APBA1: variants seen among roughly 807,000 people sequenced by gnomAD.
APBA1 encodes amyloid beta precursor protein binding family A member 1, also known as amyloid-beta A4 precursor protein-binding family A member 1.
APBA1 carries 55 observed loss-of-function variants against 86.6 expected under a neutral mutation model. The observed-to-expected ratio is 0.64, with a 90% CI of 0.51 to 0.80. The LOEUF (loss-of-function observed/expected upper bound fraction) is 0.80, where lower values mean the gene tolerates loss of function less well. APBA1 is among the 30% of genes least tolerant of loss of function. APBA1 has a pLI of 0.00. For synonymous variants in APBA1, 511 were observed against 493.9 expected (o/e 1.03, Z -0.46); for missense variants, 1,090 against 1,183.0 (o/e 0.92, Z 1.15).
At chr9:69,635,176 T>C (rs1188408982) in intron 1 of APBA1, among the ~76,000 whole-genome samples, 1 of 152,096 alleles carries the variant, frequency 6.6e-6, no homozygotes, top group African/African-American at 2.4e-5. Context: ...CAAGACATAG[T>C]ACAATAAGAT....
chr9:69,490,408 G>A (rs1373019792), intron 2 of APBA1, among the ~76,000 whole-genome samples: 1 of 151,618 alleles, frequency 6.6e-6, no homozygotes, highest in Non-Finnish European at 1.5e-5. Context: ...ACACCAGCAT[G>A]GCACATGTAT....
At chr9:69,432,865 T>G (rs770472100) in intron 11 of APBA1, among the ~76,000 whole-genome samples, 189 bp from the exon 12 acceptor site, 6 of 152,210 alleles carry the variant, frequency 3.9e-5, no homozygotes, top group Non-Finnish European at 8.8e-5. Flanking sequence ...CATGGCCACC[T>G]TGTTCATGCG....
In APBA1 at chr9:69,664,348, C is replaced by A. The variant is rs1179098499; in HGVS notation, c.-70+7805G>T. ...GGGTTGCAGAGATCATAAATATACTCCTTTAGGAAGAAAGGATAAAACAAA... is the reference window on the plus strand; with the variant it reads ...GGGTTGCAGAGATCATAAATATACTACTTTAGGAAGAAAGGATAAAACAAA... On this transcript the variant is annotated intron_variant, in intron 1 of 12. Coordinates refer to ENST00000265381, the MANE Select transcript of APBA1 (RefSeq NM_001163.4). 4.6e-5 allele frequency among the ~76,000 whole-genome samples: 7 copies of A among 152,226 alleles called. No individual in the cohort carries two copies. In the East Asian group the frequency reaches 1.2e-3, roughly 25 times the overall value.
chr9:69,445,510 GAA>G (rs1475015379), intron 10 of APBA1, among the ~76,000 whole-genome samples: 1 of 152,134 alleles, frequency 6.6e-6, no homozygotes, highest in South Asian at 2.1e-4. Flanking sequence ...GGCGAAGAGA[GAA>G]AAGAGAAGCC....
At chr9:69,546,570 C>T (rs951018533) in intron 1 of APBA1, among the ~76,000 whole-genome samples, 12 of 152,190 alleles carry the variant, frequency 7.9e-5, no homozygotes, top group African/African-American at 2.7e-4. Flanking sequence ...ACCAATTCCT[C>T]CTTAACTAGA....
At chr9:69,573,436 T>C (rs1698253814) in intron 1 of APBA1, among the ~76,000 whole-genome samples, 1 of 152,208 alleles carries the variant, frequency 6.6e-6, no homozygotes, top group Admixed American at 6.5e-5. Context: ...CACTCCAGCC[T>C]GGGTGACAGA....
At chr9:69,631,820 G>A (rs562150956) in intron 1 of APBA1, among the ~76,000 whole-genome samples, 6,595 of 152,208 alleles carry the variant, frequency 0.043, 191 homozygotes, top group African/African-American at 0.072. Context: ...AAAACCAAAT[G>A]CCGCATGTTC....
At chr9:69,504,967 C>A (rs1351192159) in intron 2 of APBA1, among the ~76,000 whole-genome samples, 1 of 152,068 alleles carries the variant, frequency 6.6e-6, no homozygotes, top group East Asian at 1.9e-4. Flanking sequence ...CCTCATATTT[C>A]TGCCACCTGA....
intron 2 of APBA1, among the ~76,000 whole-genome samples, chr9:69,515,690 T>TGGGGGGGGGGGGGGG (rs60382603): frequency 1.8e-5 from 2 of 110,754 alleles, no homozygotes; most frequent in Admixed American, 9.0e-5. Flanking sequence ...AATCAGAAAC[T>TGGGGGGGGGGGGGGG]GGGGGGGGGG....
intron 1 of APBA1, among the ~76,000 whole-genome samples, chr9:69,601,785 C>G (rs566695263): frequency 1.8e-4 from 27 of 152,338 alleles, no homozygotes; most frequent in Non-Finnish European, 3.7e-4. Context: ...CAAACAATCT[C>G]AATAGACAGG....
At chr9:69,568,407 A>G (rs1837064032) in intron 1 of APBA1, among the ~76,000 whole-genome samples, 1 of 152,258 alleles carries the variant, frequency 6.6e-6, no homozygotes, top group African/African-American at 2.4e-5. Context: ...TCTGTTATTC[A>G]AAATAGAAGA....
At chr9:69,623,645 T>C (rs1166034043) in intron 1 of APBA1, among the ~76,000 whole-genome samples, 29 of 152,032 alleles carry the variant, frequency 1.9e-4, no homozygotes, top group Non-Finnish European at 8.8e-5. Flanking sequence ...CTCGGGAGGG[T>C]GTGTAAAAAT....
chr9:69,638,721 A>G (rs1166016507), intron 1 of APBA1, among the ~76,000 whole-genome samples: 1 of 152,246 alleles, frequency 6.6e-6, no homozygotes, highest in African/African-American at 2.4e-5. Context: ...AATTTTTACT[A>G]AGACAAGATA....
chr9:69,515,690 T>TGGGGGGGGGGGGG (rs60382603), intron 2 of APBA1, among the ~76,000 whole-genome samples: 10 of 110,800 alleles, frequency 9.0e-5, no homozygotes, highest in Non-Finnish European at 1.2e-4. Context: ...AATCAGAAAC[T>TGGGGGGGGGGGGG]GGGGGGGGGG....
chr9:69,558,795 C>T (rs1836904775), intron 1 of APBA1, among the ~76,000 whole-genome samples: 1 of 152,072 alleles, frequency 6.6e-6, no homozygotes, highest in African/African-American at 2.4e-5. Flanking sequence ...GAGTTCTCAT[C>T]ATTTAGCTCC....
chr9:69,658,232 C>CT (rs1380767629), intron 1 of APBA1, among the ~76,000 whole-genome samples: 2 of 15,762 alleles, frequency 1.3e-4, no homozygotes, highest in East Asian at 0.018. Flanking sequence ...CTCTTTCTTT[C>CT]TTTCTTTCTT....
At chr9:69,498,762 T>G (rs1299931422) in intron 2 of APBA1, among the ~76,000 whole-genome samples, 1 of 152,168 alleles carries the variant, frequency 6.6e-6, no homozygotes, top group Non-Finnish European at 1.5e-5. Context: ...AGTCACAAAC[T>G]CTCTGTAGTT....
chr9:69,558,890 A>G (rs1439484030), intron 1 of APBA1, among the ~76,000 whole-genome samples: 1 of 152,128 alleles, frequency 6.6e-6, no homozygotes, highest in African/African-American at 2.4e-5. Flanking sequence ...CAACTGACTC[A>G]AAGTTAATAT....
At chr9:69,558,693 AT>A (rs779427676) in intron 1 of APBA1, among the ~76,000 whole-genome samples, 14 of 151,852 alleles carry the variant, frequency 9.2e-5, no homozygotes, top group Non-Finnish European at 2.1e-4. Flanking sequence ...CGTCACCCAG[AT>A]GTTATGCCTA....
Sources: allele counts gnomAD v4.1 joint callset (sites outside exome capture counted in the v4.1 genomes callset), GRCh38; gene constraint gnomAD v4.1.1; transcripts MANE v1.5; gene names NCBI Gene and HGNC (gene_info 2026-07-23, HGNC 2026-07-21).